ACTN3: variants seen among roughly 807,000 people sequenced by gnomAD.
ACTN3 encodes the protein alpha-actinin-3.
A neutral mutation model predicts 119.6 loss-of-function variants in ACTN3; 91 were observed. That is an observed-to-expected ratio of 0.76 (90% CI 0.64 to 0.91). The LOEUF is 0.91. ACTN3 is among the 40% of genes least tolerant of loss of function. The probability of loss-of-function intolerance (pLI) is 0.00; values close to 1 mark genes in which losing one functional copy is unlikely to be tolerated. For missense variants in ACTN3, 1,221 were observed against 1,215.1 expected (o/e 1.00, Z -0.07); for synonymous variants, 456 against 478.8 (o/e 0.95, Z 0.62).
rs116592366 is a variant in ACTN3, at chr11:66,555,263, C to T, written c.637-23C>T. 828 of 1,614,018 alleles carry T rather than the reference C, an allele frequency of 5.1e-4. 3 individuals are homozygous for T. The African/African-American group carries it at 9.1e-3, about 18-fold the overall frequency. ...CCTCTGCCTGCAGCTGACCTTTCAC[C>T]CTCCTCCCTTACACCCTTCTAGGAT... is the stretch of plus-strand genomic sequence containing the variant. On this transcript the variant is annotated intron_variant, in intron 6 of 20. Coordinates refer to ENST00000513398, the MANE Select transcript of ACTN3 (RefSeq NM_001104.4).
intron 4 of ACTN3, 56 bp from the exon 5 acceptor site, chr11:66,554,480 G>C: frequency 1.6e-6 from 2 of 1,217,040 alleles, no homozygotes; most frequent in Non-Finnish European, 2.3e-6. Flanking sequence ...AAAGAAGTGT[G>C]AGAGGGCTGA....
intron 1 of ACTN3, among the ~76,000 whole-genome samples, chr11:66,548,544 C>T (rs893921713): frequency 1.3e-5 from 2 of 152,198 alleles, no homozygotes; most frequent in Non-Finnish European, 2.9e-5. Context: ...ATCTGAAAAT[C>T]AATCAGCATC....
chr11:66,563,276 C>T lies in ACTN3; in HGVS notation c.*83C>T. 1 of 1,472,752 alleles carries T rather than the reference C, an allele frequency of 6.8e-7. No homozygotes were observed. The highest frequency in any genetic ancestry group is 1.4e-5 in the African/African-American group (1 of 70,986). 91.2% of individuals were successfully genotyped at this position (1,472,752 alleles called of 1,614,324 possible). A position where few individuals can be genotyped will look rare whatever the true frequency, so the allele number is the denominator to read the frequency against. ...CCCATCCGTCCCTCGGAGCAAGGGC[C>T]TAAGAGAAAAGCCAGCCAAGTGCTT... On this transcript the variant is annotated 3_prime_UTR_variant, in exon 21 of 21. Transcript: ENST00000513398.
At chr11:66,551,163 T>G in intron 1 of ACTN3, 76 bp from the exon 2 acceptor site, 1 of 1,092,052 alleles carries the variant, frequency 9.2e-7, no homozygotes, top group Non-Finnish European at 1.4e-6. Context: ...AGACCTACCC[T>G]GACTGAGGAG....
Position 66,554,620 on chromosome 11 carries a change from C to T in ACTN3, c.554C>T (p.Thr185Ile), listed in dbSNP as rs1857551742. 4 of 1,610,182 alleles carry T rather than the reference C, an allele frequency of 2.5e-6. No homozygotes were observed. The East Asian group carries it at 6.7e-5, about 27-fold the overall frequency. Residue 185 changes from threonine (T) to isoleucine (I), a missense_variant, in exon 5 of 21, where the codon ACC becomes ATC. Coordinates refer to ENST00000513398, the MANE Select transcript of ACTN3 (RefSeq NM_001104.4). ...AACGTCAACGTGCAGAACTTCCACA[C>T]CAGGTCTGTCAGGTGGTTACCAAAT... ...YRNVNVQNFH[T>I]SWKDGLALCA...
intron 1 of ACTN3, among the ~76,000 whole-genome samples, chr11:66,549,734 A>G (rs1314653430): frequency 2.1e-5 from 3 of 145,686 alleles, no homozygotes; most frequent in African/African-American, 7.7e-5. Flanking sequence ...TCTGTCTCCA[A>G]AAAAAAAAAA....
chr11:66,560,848 C>T, intron 15 of ACTN3, 93 bp downstream of exon 15: 1 of 1,381,084 alleles, frequency 7.2e-7, no homozygotes, highest in Admixed American at 2.1e-5. Flanking sequence ...GAATAAAGTC[C>T]ATCTTCAGAT....
chr11:66,561,098 T>C, intron 15 of ACTN3, 129 bp from the exon 16 acceptor site: 1 of 1,309,928 alleles, frequency 7.6e-7, no homozygotes, highest in Non-Finnish European at 1.0e-6. Context: ...GCCCAAGAGC[T>C]TTCTCGTATA....
At chr11:66,550,780 G>A (rs557923770) in intron 1 of ACTN3, among the ~76,000 whole-genome samples, 9 of 152,190 alleles carry the variant, frequency 5.9e-5, no homozygotes, top group Non-Finnish European at 1.0e-4. Flanking sequence ...CAGTAGCACT[G>A]AGAAAACAGA....
At chr11:66,558,676 T>C (rs1857660813) in intron 11 of ACTN3, among the ~76,000 whole-genome samples, 1 of 152,164 alleles carries the variant, frequency 6.6e-6, no homozygotes, top group African/African-American at 2.4e-5. Context: ...GCCTGTTTTC[T>C]ATAAACTCAG....
chr11:66,554,672 G>A (rs1857553011), intron 5 of ACTN3, 49 bp downstream of exon 5: 1 of 1,491,174 alleles, frequency 6.7e-7, no homozygotes, highest in Non-Finnish European at 9.2e-7. Context: ...GGGGTACTGG[G>A]CATAGAGAGG....
intron 9 of ACTN3, 25 bp from the exon 10 acceptor site, chr11:66,557,674 C>T: frequency 6.3e-7 from 1 of 1,591,776 alleles, no homozygotes; most frequent in Non-Finnish European, 8.6e-7. Context: ...GAGCTGTCTG[C>T]CTTGCCCCTG....
chr11:66,554,290 C>CAAAAAAAAAAA (rs1857542492), intron 4 of ACTN3, 159 bp downstream of exon 4: 1 of 80,634 alleles, frequency 1.2e-5, no homozygotes, highest in Non-Finnish European at 2.1e-5. Flanking sequence ...CAAAAAATAC[C>CAAAAAAAAAAA]AAAAAAAAAA....
rs1478395517 is a variant in ACTN3 at position 66,562,796 on chromosome 11, G to A, written c.2389G>A (p.Gly797Arg). Residue 797 changes from glycine to arginine, a missense_variant and splice_region_variant, in exon 20 of 21, where the codon GGG (glycine) becomes AGG (arginine). Physicochemically the swap from Gly to Arg is moderately radical, Grantham distance 125 (BLOSUM62 -2). This residue lies in a region of ACTN3 where 934 missense variants were observed against 899.9 expected (regional missense o/e 1.04). Coordinates refer to ENST00000513398, the MANE Select transcript of ACTN3 (RefSeq NM_001104.4). ...TAGTGCCTGGCCTCTATCCCTGCAGGGGGAAGTGGAGTTTGCTCGCATCAT... is the reference window on the plus strand; with the variant it reads ...TAGTGCCTGGCCTCTATCCCTGCAGAGGGAAGTGGAGTTTGCTCGCATCAT... ...ACLISMGYDL[G>R]EVEFARIMTM... 35 of 1,605,862 alleles carry A rather than the reference G, an allele frequency of 2.2e-5. No homozygotes were observed. The highest frequency in any genetic ancestry group is 2.7e-5 in the Non-Finnish European group (32 of 1,175,300).
At chr11:66,562,559 G>A (rs944712184) in intron 19 of ACTN3, among the ~76,000 whole-genome samples, 4 of 151,994 alleles carry the variant, frequency 2.6e-5, no homozygotes, top group Non-Finnish European at 5.9e-5. Context: ...AAACGGGTGT[G>A]GCCCTGGAAA....
Position 66,560,243 on chromosome 11 carries a change from A to G in ACTN3, c.1609A>G (p.Asn537Asp). ...TGCCCGGCGGGCCGCGCCCTTCAAC[A>G]ACTGGCTGGATGGTGCCGTGGAGGA... ...EFARRAAPFN[N>D]WLDGAVEDLQ... Residue 537 changes from asparagine (N) to aspartate (D), a missense_variant, in exon 14 of 21, where the codon AAC becomes GAC. Physicochemically the swap from Asn to Asp is conservative, Grantham distance 23. Transcript: ENST00000513398. The G allele has an allele frequency of 5.0e-6, 8 of 1,613,192 alleles. No individual in the cohort carries two copies. Among genetic ancestry groups the G allele is most frequent in the African/African-American group, 1.3e-5 (1 of 75,056 alleles).
rs756450820 is a variant in ACTN3, at chr11:66,551,364, C to G, written c.262+11C>G. Reference sequence around the variant, plus strand: ...TGGAGGTCATTTCAGGTGAGGATGGCAAATCAGTGCACCTGGGCCCCAGGA... The same window carrying G: ...TGGAGGTCATTTCAGGTGAGGATGGGAAATCAGTGCACCTGGGCCCCAGGA... On this transcript the variant is annotated intron_variant, in intron 2 of 20. Coordinates refer to ENST00000513398, the MANE Select transcript of ACTN3 (RefSeq NM_001104.4). The G allele has an allele frequency of 7.5e-6, 12 of 1,593,120 alleles. No homozygotes were observed. In the Admixed American group the frequency reaches 2.1e-4, roughly 28 times the overall value.
rs1270792485 is a variant in ACTN3 at position 66,560,440 on chromosome 11, G to C, written c.1677+129G>C. The C allele has an allele frequency of 6.1e-6, 9 of 1,472,654 alleles. No individual in the cohort carries two copies. In the East Asian group the frequency reaches 2.0e-4, roughly 32 times the overall value. 91.2% of individuals were successfully genotyped at this position (1,472,654 alleles called of 1,614,324 possible). A position where few individuals can be genotyped will look rare whatever the true frequency, so the allele number is the denominator to read the frequency against. On this transcript the variant is annotated intron_variant, in intron 14 of 20. Transcript: ENST00000513398. Reference sequence around the variant, plus strand: ...ACCCCAGTTCCCGAGTGCTGGGCTGGAAGACAGGAGGCCGGGGTTCTTGTG... The same window carrying C: ...ACCCCAGTTCCCGAGTGCTGGGCTGCAAGACAGGAGGCCGGGGTTCTTGTG...
At chr11:66,547,985 A>G (rs1196169045) in intron 1 of ACTN3, among the ~76,000 whole-genome samples, 1 of 152,100 alleles carries the variant, frequency 6.6e-6, no homozygotes, top group African/African-American at 2.4e-5. Context: ...CCAGAGGGAG[A>G]ATACTTTGGA....
Sources: allele counts gnomAD v4.1 joint callset (sites outside exome capture counted in the v4.1 genomes callset), GRCh38; gene constraint gnomAD v4.1.1; regional missense constraint gnomAD v4.1.1; transcripts MANE v1.5; gene names NCBI Gene and HGNC (gene_info 2026-07-23, HGNC 2026-07-21).